The following GRIK4 variants were observed in gnomAD, a reference collection of about 807,000 sequenced individuals.
GRIK4 encodes glutamate receptor ionotropic, kainate 4.
In GRIK4, 40 loss-of-function variants were observed where a neutral mutation model predicts 104.9. That is an observed-to-expected ratio of 0.38 (90% CI 0.30 to 0.50). The LOEUF (loss-of-function observed/expected upper bound fraction) is 0.50, where lower values mean the gene tolerates loss of function less well. Ranked by LOEUF, GRIK4 falls within the 20% of genes least tolerant of loss-of-function variation. The pLI, the probability that GRIK4 is intolerant of heterozygous loss-of-function variation, is 0.93. For synonymous variants in GRIK4, 485 were observed against 524.9 expected (o/e 0.92, Z 1.04); for missense variants, 1,047 against 1,308.1 (o/e 0.80, Z 3.08).
In GRIK4 at chr11:120,664,527, C is replaced by A. The variant is rs11217945; in HGVS notation, c.82+4127C>A. On this transcript the variant is annotated intron_variant, in intron 3 of 20. Coordinates refer to ENST00000527524, the MANE Select transcript of GRIK4 (RefSeq NM_014619.5). ...AAACAATCCCCTGTTACAGATGAAG[C>A]AATGGAGGCTCAGAGGGTTTAAATA... 3.5e-3 allele frequency among the ~76,000 whole-genome samples: 539 copies of A among 152,318 alleles called. 4 individuals carry two copies. Among genetic ancestry groups the A allele is most frequent in the East Asian group, 0.03 (157 of 5,178 alleles).
intron 8 of GRIK4, among the ~76,000 whole-genome samples, chr11:120,848,891 CA>C (rs1445131652): frequency 1.3e-5 from 2 of 151,970 alleles, no homozygotes; most frequent in Non-Finnish European, 2.9e-5. Flanking sequence ...CCGAGGGGGA[CA>C]GGGGGTGTGA....
intron 3 of GRIK4, among the ~76,000 whole-genome samples, chr11:120,696,826 C>T (rs1299358608): frequency 6.6e-6 from 1 of 152,130 alleles, no homozygotes; most frequent in African/African-American, 2.4e-5. Flanking sequence ...GCTCTTTGCA[C>T]CCTCCTTGCC....
At chr11:120,886,171 G>A (rs902362622) in intron 11 of GRIK4, among the ~76,000 whole-genome samples, 7 of 152,316 alleles carry the variant, frequency 4.6e-5, no homozygotes, top group African/African-American at 1.7e-4. Context: ...GTACAGAGCA[G>A]CAAAAAATTG....
At chr11:120,641,925 G>A (rs1949476273) in intron 1 of GRIK4, among the ~76,000 whole-genome samples, 1 of 152,146 alleles carries the variant, frequency 6.6e-6, no homozygotes, top group African/African-American at 2.4e-5. Context: ...TTCCAACATT[G>A]TTTGGGTCTC....
chr11:120,531,917 C>A (rs958410803), intron 1 of GRIK4, among the ~76,000 whole-genome samples: 1 of 152,122 alleles, frequency 6.6e-6, no homozygotes, highest in Non-Finnish European at 1.5e-5. Flanking sequence ...TGGTTGTGGC[C>A]CAAGGATGTC....
chr11:120,724,541 G>A (rs1057212757), intron 3 of GRIK4, among the ~76,000 whole-genome samples: 5 of 152,138 alleles, frequency 3.3e-5, no homozygotes, highest in African/African-American at 9.7e-5. Flanking sequence ...GAATGTGCCC[G>A]GCCTGGTACT....
At chr11:120,771,509 T>C (rs1424568973) in intron 3 of GRIK4, among the ~76,000 whole-genome samples, 2 of 152,074 alleles carry the variant, frequency 1.3e-5, no homozygotes, top group Admixed American at 1.3e-4. Context: ...AGGAAAGAAA[T>C]GGAACAAGAC....
At chr11:120,752,737 C>T (rs182034524) in intron 3 of GRIK4, among the ~76,000 whole-genome samples, 1 of 152,324 alleles carries the variant, frequency 6.6e-6, no homozygotes, top group Admixed American at 6.5e-5. Flanking sequence ...GCCCCCCAGC[C>T]CAAAGCTGTC....
intron 3 of GRIK4, among the ~76,000 whole-genome samples, chr11:120,794,775 T>G (rs561240934): frequency 6.6e-6 from 1 of 152,250 alleles, no homozygotes; most frequent in East Asian, 1.9e-4. Flanking sequence ...CAGCTGATGC[T>G]AAGGGTCTGT....
chr11:120,781,665 C>T (rs1007904521), intron 3 of GRIK4, among the ~76,000 whole-genome samples: 4 of 152,140 alleles, frequency 2.6e-5, no homozygotes, highest in African/African-American at 9.7e-5. Context: ...TCTGTGTCTT[C>T]ACAAGCCCTC....
chr11:120,816,194 A>G (rs1952953588), intron 5 of GRIK4, among the ~76,000 whole-genome samples: 1 of 151,944 alleles, frequency 6.6e-6, no homozygotes, highest in African/African-American at 2.4e-5. Flanking sequence ...CTTTTTCCCC[A>G]GAGAAGACAA....
chr11:120,971,527 A>G (rs948996717), intron 19 of GRIK4, among the ~76,000 whole-genome samples: 2 of 152,218 alleles, frequency 1.3e-5, no homozygotes, highest in African/African-American at 4.8e-5. Flanking sequence ...TATTGCTGCC[A>G]ACAAACAGCG....
intron 4 of GRIK4, among the ~76,000 whole-genome samples, chr11:120,806,833 G>A (rs1952721544): frequency 6.6e-6 from 1 of 152,204 alleles, no homozygotes; most frequent in Non-Finnish European, 1.5e-5. Context: ...TCTGATGGTT[G>A]AAGGCGAGGC....
At chr11:120,533,397 C>T (rs935373239) in intron 1 of GRIK4, among the ~76,000 whole-genome samples, 17 of 152,224 alleles carry the variant, frequency 1.1e-4, no homozygotes, top group African/African-American at 3.9e-4. Flanking sequence ...CATACAGGTA[C>T]TGCTAGCGCC....
intron 8 of GRIK4, 79 bp from the exon 9 acceptor site, chr11:120,861,880 A>C: frequency 9.3e-7 from 1 of 1,074,442 alleles, no homozygotes; most frequent in East Asian, 2.4e-5. Flanking sequence ...TGTGGTACCC[A>C]GATATGCTTT....
intron 6 of GRIK4, among the ~76,000 whole-genome samples, chr11:120,830,745 G>A (rs886827143): frequency 1.3e-5 from 2 of 152,152 alleles, no homozygotes; most frequent in Non-Finnish European, 2.9e-5. Context: ...CACATTAACT[G>A]GAACACAATA....
At chr11:120,514,939 A>G (rs1186339586) in intron 1 of GRIK4, 1 of 456,218 alleles carries the variant, frequency 2.2e-6, no homozygotes, top group Non-Finnish European at 4.4e-6. Flanking sequence ...TTGGGCCTCC[A>G]GCCTCAGTTT....
At chr11:120,805,767 G>T (rs972415844) in intron 4 of GRIK4, among the ~76,000 whole-genome samples, 1 of 152,194 alleles carries the variant, frequency 6.6e-6, no homozygotes, top group Non-Finnish European at 1.5e-5. Context: ...GGGCAGGTGG[G>T]TTGTGGCTTA....
intron 1 of GRIK4, among the ~76,000 whole-genome samples, chr11:120,625,369 C>T (rs1020058478): frequency 6.6e-6 from 1 of 151,972 alleles, no homozygotes; most frequent in Non-Finnish European, 1.5e-5. Flanking sequence ...AGCACCCGGC[C>T]GGAAAGGGGA....
Sources: allele counts gnomAD v4.1 joint callset (sites outside exome capture counted in the v4.1 genomes callset), GRCh38; gene constraint gnomAD v4.1.1; transcripts MANE v1.5; gene names NCBI Gene and HGNC (gene_info 2026-07-23, HGNC 2026-07-21).